ZFAT: variants seen among roughly 807,000 people sequenced by gnomAD.
ZFAT encodes the protein zinc finger protein ZFAT.
In ZFAT, 64 loss-of-function variants were observed where a neutral mutation model predicts 117.7. That is an observed-to-expected ratio of 0.54 (90% confidence interval 0.44 to 0.67). The LOEUF is 0.67. Ranked by LOEUF, ZFAT falls within the 30% of genes least tolerant of loss-of-function variation. The pLI is 0.00. For synonymous variants in ZFAT, 679 were observed against 615.0 expected (o/e 1.10, Z -1.54); for missense variants, 1,433 against 1,584.5 (o/e 0.90, Z 1.62).
chr8:134,479,008 C>T (rs534257377), intron 15 of ZFAT, among the ~76,000 whole-genome samples: 1 of 152,292 alleles, frequency 6.6e-6, no homozygotes, highest in South Asian at 2.1e-4. Context: ...GAGCTGCTTC[C>T]CGGGGCTTCC....
At chr8:134,776,326 CAG>C in the ZFAT span, among the ~76,000 whole-genome samples, 3 of 152,146 alleles carry the variant, frequency 2.0e-5, no homozygotes, top group Non-Finnish European at 4.4e-5. Flanking sequence ...TTCTTTGAGA[CAG>C]GGTCTTGCTC....
chr8:134,697,112 T>C (rs1833881632), intron 1 of ZFAT, among the ~76,000 whole-genome samples: 2 of 151,320 alleles, frequency 1.3e-5, no homozygotes, highest in Non-Finnish European at 2.9e-5. Flanking sequence ...TGGTTTGGTT[T>C]GGTTTTGAGA....
the ZFAT span, among the ~76,000 whole-genome samples, chr8:134,817,941 C>T: frequency 1.3e-5 from 2 of 152,006 alleles, no homozygotes; most frequent in South Asian, 2.1e-4. Context: ...AAATTTTCAA[C>T]AAATGGTGTC....
At chr8:134,534,642 G>A (rs1467144751) in intron 11 of ZFAT, among the ~76,000 whole-genome samples, 1 of 149,346 alleles carries the variant, frequency 6.7e-6, no homozygotes, top group Non-Finnish European at 1.5e-5. Flanking sequence ...GGGGAGAGAG[G>A]GAGAGAGGGA....
intron 11 of ZFAT, among the ~76,000 whole-genome samples, chr8:134,540,777 GA>G (rs1185566367): frequency 3.3e-5 from 5 of 152,118 alleles, no homozygotes; most frequent in African/African-American, 1.2e-4. Flanking sequence ...GGGAAATTCT[GA>G]AAAAGTGAAA....
chr8:134,662,248 C>T (rs1356705280), intron 1 of ZFAT, among the ~76,000 whole-genome samples: 1 of 152,152 alleles, frequency 6.6e-6, no homozygotes, highest in Non-Finnish European at 1.5e-5. Flanking sequence ...GACCTGACCA[C>T]CTCCCAAAGG....
At chr8:134,813,370 T>C in the ZFAT span, among the ~76,000 whole-genome samples, 1 of 152,210 alleles carries the variant, frequency 6.6e-6, no homozygotes, top group African/African-American at 2.4e-5. Context: ...AAGAGACAGA[T>C]AATACCAGAT....
At chr8:134,782,161 C>T in the ZFAT span, among the ~76,000 whole-genome samples, 1 of 152,208 alleles carries the variant, frequency 6.6e-6, no homozygotes, top group South Asian at 2.1e-4. Flanking sequence ...CCTGCAAAGG[C>T]AATGCTTTGT....
chr8:134,502,185 G>C (rs561704407), intron 15 of ZFAT, among the ~76,000 whole-genome samples: 259 of 152,294 alleles, frequency 1.7e-3, no homozygotes, highest in African/African-American at 5.2e-3. Context: ...CCGATGGGAG[G>C]AGGCCAGTCT....
the ZFAT span, among the ~76,000 whole-genome samples, chr8:134,734,901 G>T: frequency 3.9e-5 from 6 of 152,156 alleles, no homozygotes; most frequent in African/African-American, 1.4e-4. Flanking sequence ...TATCAGATCT[G>T]CATAGCCCTG....
the ZFAT span, among the ~76,000 whole-genome samples, chr8:134,776,594 C>G: frequency 5.3e-5 from 8 of 152,198 alleles, no homozygotes; most frequent in Non-Finnish European, 1.2e-4. Flanking sequence ...ACAGTTCCCC[C>G]CTCCTGCTCT....
rs182866521 is a variant in ZFAT, at chr8:134,632,168, C to T, written c.448+5293G>A. Among the ~76,000 whole-genome samples the T allele has an allele frequency of 4.2e-3, 637 of 152,292 alleles. 9 individuals are homozygous for T. The highest frequency in any genetic ancestry group is 0.014 in the African/African-American group (591 of 41,556). ...CCAACCCCTCCTCTTTCTCCTCAGC[C>T]TACTCAACATGAGGAGAATGAAGAT... is the stretch of plus-strand genomic sequence containing the variant. On this transcript the variant is annotated intron_variant, in intron 3 of 15. Transcript: ENST00000377838.
At chr8:134,776,576 A>G in the ZFAT span, among the ~76,000 whole-genome samples, 11 of 152,202 alleles carry the variant, frequency 7.2e-5, no homozygotes, top group Non-Finnish European at 1.5e-4. Flanking sequence ...TGAGACAACA[A>G]AACTTCTACA....
At chr8:134,721,035 A>C in the ZFAT span, among the ~76,000 whole-genome samples, 1 of 152,188 alleles carries the variant, frequency 6.6e-6, no homozygotes, top group Admixed American at 6.5e-5. Context: ...GGGCCTGGAA[A>C]CATGAGCTCA....
rs1823051812 is a variant in ZFAT, at chr8:134,550,322, A to AAAAAAAAAAC, written c.2976+15010_2976+15011insGTTTTTTTTT. Among the ~76,000 whole-genome samples the AAAAAAAAAAC allele has an allele frequency of 2.7e-5, 4 of 149,158 alleles. No individual in the cohort carries two copies. The East Asian group carries it at 5.8e-4, about 22-fold the overall frequency. On this transcript the variant is annotated intron_variant, in intron 11 of 15. Coordinates refer to ENST00000377838, the MANE Select transcript of ZFAT (RefSeq NM_020863.4). ...GTTGGTCACAACGGAAAAAAAAAAA[A>AAAAAAAAAAC]AAAAAAAAAACAGCACAGGGTAAAG...
chr8:134,782,293 TGTACA>T, the ZFAT span, among the ~76,000 whole-genome samples: 4 of 152,222 alleles, frequency 2.6e-5, no homozygotes, highest in Non-Finnish European at 5.9e-5. Context: ...GTCTCTAAAA[TGTACA>T]GTACAGTCCT....
intron 15 of ZFAT, among the ~76,000 whole-genome samples, chr8:134,490,937 C>T (rs73355762): frequency 0.014 from 2,059 of 152,276 alleles, 51 homozygotes; most frequent in African/African-American, 0.046. Flanking sequence ...TCCTCCACCA[C>T]GCCTGAAGCC....
At chr8:134,495,845 G>A (rs116171114) in intron 15 of ZFAT, among the ~76,000 whole-genome samples, 1,923 of 152,226 alleles carry the variant, frequency 0.013, 38 homozygotes, top group African/African-American at 0.044. Context: ...TGGGAGGATC[G>A]CTTGAGTAGG....
At chr8:134,776,919 A>C in the ZFAT span, among the ~76,000 whole-genome samples, 1 of 152,182 alleles carries the variant, frequency 6.6e-6, no homozygotes, top group East Asian at 1.9e-4. Flanking sequence ...AGAAAGATAA[A>C]CTTTTCTCAA....
Sources: allele counts gnomAD v4.1 joint callset (sites outside exome capture counted in the v4.1 genomes callset), GRCh38; gene constraint gnomAD v4.1.1; transcripts MANE v1.5; gene names NCBI Gene and HGNC (gene_info 2026-07-23, HGNC 2026-07-21).